The following MALRD1 variants were observed in gnomAD, a reference collection of about 807,000 sequenced individuals.
The protein encoded by MALRD1 is MAM and LDL receptor class A domain containing 1, also known as MAM and LDL-receptor class A domain-containing protein 1.
MALRD1 carries 247 observed loss-of-function variants against 242.1 expected under a neutral mutation model. That is an observed-to-expected ratio of 1.02 (90% confidence interval 0.92 to 1.13). The LOEUF is 1.13. Ranked by LOEUF, MALRD1 falls within the 50% of genes most tolerant of loss-of-function variation. The probability of loss-of-function intolerance (pLI) is 0.00; values close to 1 mark genes in which losing one functional copy is unlikely to be tolerated. For synonymous variants in MALRD1, 995 were observed against 866.6 expected (o/e 1.15, Z -2.60); for missense variants, 2,989 against 2,533.1 (o/e 1.18, Z -3.86).
intron 31 of MALRD1, among the ~76,000 whole-genome samples, chr10:19,505,144 C>A (rs1003233081): frequency 7.2e-5 from 11 of 151,976 alleles, no homozygotes; most frequent in Non-Finnish European, 4.4e-5. Context: ...AGGAAAAAGG[C>A]AAATGGGATC....
At chr10:19,138,684 T>A (rs1316748478) in intron 10 of MALRD1, among the ~76,000 whole-genome samples, 1 of 152,138 alleles carries the variant, frequency 6.6e-6, no homozygotes. Context: ...CCTCCCAAAG[T>A]GCTGGGATTA....
chr10:19,649,797 G>T (rs1296849519), intron 36 of MALRD1, among the ~76,000 whole-genome samples: 1 of 152,086 alleles, frequency 6.6e-6, no homozygotes, highest in South Asian at 2.1e-4. Context: ...TAAAATTTCT[G>T]CCCATTCCTA....
At chr10:19,115,955 C>A (rs1028151723) in intron 5 of MALRD1, among the ~76,000 whole-genome samples, 2 of 152,150 alleles carry the variant, frequency 1.3e-5, no homozygotes, top group Admixed American at 1.3e-4. Context: ...TTCACAGTTT[C>A]TGAACACTTT....
chr10:19,306,077 A>ATTATAC (rs1842170092), intron 21 of MALRD1, among the ~76,000 whole-genome samples: 1 of 118,224 alleles, frequency 8.5e-6, no homozygotes, highest in African/African-American at 3.4e-5. Flanking sequence ...TATATATACT[A>ATTATAC]TATACTATAT....
chr10:19,095,446 G>A (rs1044740730), intron 4 of MALRD1, among the ~76,000 whole-genome samples: 1 of 152,206 alleles, frequency 6.6e-6, no homozygotes. Flanking sequence ...CTCTGTTGAA[G>A]TCAAATATCA....
chr10:19,663,493 G>A (rs1053799657), intron 36 of MALRD1, among the ~76,000 whole-genome samples: 1 of 152,104 alleles, frequency 6.6e-6, no homozygotes, highest in African/African-American at 2.4e-5. Context: ...ACATACAAAT[G>A]CAGGTGTCTT....
intron 18 of MALRD1, among the ~76,000 whole-genome samples, chr10:19,213,761 G>T (rs72786579): frequency 7.9e-5 from 12 of 151,990 alleles, no homozygotes; most frequent in African/African-American, 2.9e-4. Flanking sequence ...TTATCTTATT[G>T]AGTGCTGGAA....
chr10:19,104,000 G>T lies in MALRD1; in HGVS notation c.619G>T (p.Ala207Ser), dbSNP rs528434321. Reference protein sequence around the residue: ...RFQVVFEGQMASTYEQDEVIA... With the variant: ...RFQVVFEGQMSSTYEQDEVIA... ...GCAGGTTGTTTTTGAAGGTCAAATG[G>T]CTTCAACGTATGAACAGGATGAAGT... Residue 207 changes from alanine to serine, a missense_variant, in exon 5 of 40, where the codon GCT becomes TCT. Ala to Ser is a moderately conservative substitution (Grantham distance 99). Transcript: ENST00000454679. The T allele has an allele frequency of 1.6e-6, 2 of 1,233,676 alleles. No individual in the cohort carries two copies. The highest frequency in any genetic ancestry group is 1.5e-5 in the African/African-American group (1 of 64,560). The allele number at this position is 1,233,676 out of a possible 1,614,324, so 76.4% of individuals were successfully genotyped here.
At chr10:19,247,540 C>T (rs1839115354) in intron 18 of MALRD1, among the ~76,000 whole-genome samples, 1 of 151,670 alleles carries the variant, frequency 6.6e-6, no homozygotes, top group East Asian at 1.9e-4. Context: ...TAAATTCCCC[C>T]ACCCCCGAAC....
chr10:19,388,896 A>AG (rs1210580924), intron 27 of MALRD1, among the ~76,000 whole-genome samples: 99 of 151,538 alleles, frequency 6.5e-4, no homozygotes, highest in East Asian at 2.3e-3. Flanking sequence ...AAAAAAAAAA[A>AG]AAAGAAAAAC....
intron 28 of MALRD1, among the ~76,000 whole-genome samples, chr10:19,414,673 G>A (rs945019610): frequency 1.5e-4 from 23 of 152,092 alleles, no homozygotes; most frequent in African/African-American, 4.3e-4. Flanking sequence ...GTGACTTCAC[G>A]GAGTGTAGGG....
At chr10:19,211,113 A>G (rs555896252) in intron 18 of MALRD1, among the ~76,000 whole-genome samples, 1 of 152,310 alleles carries the variant, frequency 6.6e-6, no homozygotes, top group African/African-American at 2.4e-5. Flanking sequence ...TGTAGTGGAT[A>G]AGCCCTTCTT....
At chr10:19,640,158 C>T (rs1259064670) in intron 36 of MALRD1, among the ~76,000 whole-genome samples, 3 of 152,102 alleles carry the variant, frequency 2.0e-5, no homozygotes, top group Non-Finnish European at 2.9e-5. Flanking sequence ...GGCCCTGTCT[C>T]GGCTCATTGC....
intron 2 of MALRD1, among the ~76,000 whole-genome samples, chr10:19,077,607 A>G (rs1232684792): frequency 6.6e-6 from 1 of 151,948 alleles, no homozygotes; most frequent in African/African-American, 2.4e-5. Context: ...GATACTTTCT[A>G]ACAGGTGTCT....
At chr10:19,395,889 G>T (rs923456977) in intron 28 of MALRD1, among the ~76,000 whole-genome samples, 1 of 151,980 alleles carries the variant, frequency 6.6e-6, no homozygotes, top group Non-Finnish European at 1.5e-5. Flanking sequence ...TACTAAGCTA[G>T]TTCCACTGGA....
chr10:19,397,751 A>G (rs1472775237), intron 28 of MALRD1, among the ~76,000 whole-genome samples: 1 of 152,016 alleles, frequency 6.6e-6, no homozygotes, highest in Non-Finnish European at 1.5e-5. Flanking sequence ...TTGTTATACT[A>G]TTTTTGCTTT....
intron 2 of MALRD1, among the ~76,000 whole-genome samples, chr10:19,085,186 G>A (rs1459348542): frequency 6.6e-6 from 1 of 151,948 alleles, no homozygotes; most frequent in African/African-American, 2.4e-5. Context: ...AAAGGGGAGT[G>A]TTAAATGAGG....
intron 2 of MALRD1, among the ~76,000 whole-genome samples, chr10:19,076,848 A>T (rs1423874681): frequency 6.6e-6 from 1 of 151,954 alleles, no homozygotes; most frequent in African/African-American, 2.4e-5. Flanking sequence ...TGGAATTTTG[A>T]GAGGAATTGC....
At chr10:19,238,470 TATATAATATAC>T (rs1564492585) in intron 18 of MALRD1, among the ~76,000 whole-genome samples, 23 of 45,850 alleles carry the variant, frequency 5.0e-4, no homozygotes, top group African/African-American at 6.8e-4. Flanking sequence ...TATAATATAA[TATATAATATAC>T]ATTATATATA....
Sources: allele counts gnomAD v4.1 joint callset (sites outside exome capture counted in the v4.1 genomes callset), GRCh38; gene constraint gnomAD v4.1.1; transcripts MANE v1.5; gene names NCBI Gene and HGNC (gene_info 2026-07-23, HGNC 2026-07-21).